The following BBS2 variants were observed in gnomAD, a reference collection of about 807,000 sequenced individuals.
The protein encoded by BBS2 is Bardet-Biedl syndrome 2.
In BBS2, 62 loss-of-function variants were observed where a neutral mutation model predicts 83.0. That is an observed-to-expected ratio of 0.75 (90% CI 0.61 to 0.92). The LOEUF (loss-of-function observed/expected upper bound fraction) is 0.92, where lower values mean the gene tolerates loss of function less well. BBS2 is among the 40% of genes least tolerant of loss of function. BBS2 has a pLI of 0.00. For missense variants in BBS2, 784 were observed against 901.0 expected, an observed-to-expected ratio of 0.87 and a Z score of 1.66; for synonymous variants, 303 against 326.1, an observed-to-expected ratio of 0.93 and a Z score of 0.76.
chr16:56,506,293 A>AT, intron 5 of BBS2, 69 bp from the exon 6 acceptor site: 1 of 1,172,604 alleles, frequency 8.5e-7, no homozygotes, highest in Non-Finnish European at 1.3e-6. Context: ...GTACGGCTTT[A>AT]TAAGACTTCA....
At chr16:56,478,130 C>T (rs1196526804) in intron 17 of BBS2, 2 of 152,046 alleles carry the variant, frequency 1.3e-5, no homozygotes, top group African/African-American at 4.8e-5. Flanking sequence ...TGGTAACGAA[C>T]CATTTTACAC....
At chr16:56,473,323 A>C (rs1381757633) in intron 17 of BBS2, among the ~76,000 whole-genome samples, 3 of 152,202 alleles carry the variant, frequency 2.0e-5, no homozygotes, top group Non-Finnish European at 4.4e-5. Context: ...TTTGAAAAAC[A>C]CCGTTCTCTA....
chr16:56,516,944 C>A (rs1327661239), intron 1 of BBS2, among the ~76,000 whole-genome samples: 3 of 152,118 alleles, frequency 2.0e-5, no homozygotes, highest in Non-Finnish European at 4.4e-5. Flanking sequence ...CAGAGCTGAA[C>A]ACAAAGTATC....
At position 56,498,424 on chromosome 16, in the gene BBS2, T is replaced by C; in HGVS notation, c.1659+13A>G. 6 of 1,613,862 alleles carry C rather than the reference T, an allele frequency of 3.7e-6. No individual in the cohort carries two copies. Among genetic ancestry groups the C allele is most frequent in the Non-Finnish European group, 5.1e-6 (6 of 1,179,886 alleles). On this transcript the variant is annotated intron_variant, in intron 13 of 16. Transcript: ENST00000245157. ...CAAAAAAGAAATCTATGCCCCGTGA[T>C]ATTAAACATTACCTCTCCACTAAGT...
chr16:56,470,620 G>A (rs1963121534), exon 18 of BBS2: 1 of 1,613,540 alleles, frequency 6.2e-7, no homozygotes, highest in Admixed American at 1.7e-5. Context: ...GGCCCCTTCG[G>A]AAGAAGATGA....
At chr16:56,510,276 A>G (rs1186443636) in intron 4 of BBS2, among the ~76,000 whole-genome samples, 3 of 152,158 alleles carry the variant, frequency 2.0e-5, no homozygotes, top group African/African-American at 7.2e-5. Flanking sequence ...TCTTGCCAGA[A>G]TACGTTATTT....
At chr16:56,505,034 T>G (rs1234932316) in intron 7 of BBS2, among the ~76,000 whole-genome samples, 1 of 152,220 alleles carries the variant, frequency 6.6e-6, no homozygotes, top group Non-Finnish European at 1.5e-5. Flanking sequence ...TGCCAACACC[T>G]TGATGGGGGC....
At chr16:56,510,180 G>T in intron 4 of BBS2, 146 bp from the exon 5 acceptor site, 1 of 711,538 alleles carries the variant, frequency 1.4e-6, no homozygotes, top group Non-Finnish European at 2.5e-6. Context: ...GCTCAGAAAT[G>T]CTCCCTCTAA....
intron 17 of BBS2, chr16:56,474,856 A>G: frequency 6.2e-7 from 1 of 1,613,280 alleles, no homozygotes. Flanking sequence ...GCCAAGGGGA[A>G]CTGAGGCATT....
intron 12 of BBS2, 182 bp from the exon 13 acceptor site, chr16:56,498,750 C>G: frequency 1.3e-6 from 2 of 1,484,750 alleles, no homozygotes; most frequent in South Asian, 2.5e-5. Flanking sequence ...CAAGAAAATA[C>G]TAAAACACTA....
At chr16:56,506,940 ACTTT>A (rs1156827330) in intron 5 of BBS2, among the ~76,000 whole-genome samples, 1 of 152,256 alleles carries the variant, frequency 6.6e-6, no homozygotes, top group Non-Finnish European at 1.5e-5. Flanking sequence ...CTGCAGATCT[ACTTT>A]CTAATTCTGT....
intron 15 of BBS2, among the ~76,000 whole-genome samples, chr16:56,489,257 C>G (rs1963871148): frequency 6.6e-6 from 1 of 152,102 alleles, no homozygotes; most frequent in African/African-American, 2.4e-5. Context: ...AGGAGGATCC[C>G]TTGTACCTGG....
intron 6 of BBS2, 28 bp from the exon 7 acceptor site, chr16:56,506,064 A>G (rs748116553): frequency 1.9e-6 from 3 of 1,611,512 alleles, no homozygotes; most frequent in Non-Finnish European, 1.7e-6. Context: ...TAATTAGCAC[A>G]GAAGTCTCAC....
At chr16:56,513,225 T>C (rs535492692) in intron 2 of BBS2, among the ~76,000 whole-genome samples, 3 of 152,234 alleles carry the variant, frequency 2.0e-5, no homozygotes, top group Admixed American at 2.0e-4. Context: ...ATCAGGGAAG[T>C]GGTCAAAGAG....
intron 11 of BBS2, 143 bp from the exon 12 acceptor site, chr16:56,500,050 A>G: frequency 1.1e-6 from 1 of 919,188 alleles, no homozygotes; most frequent in African/African-American, 1.6e-5. Context: ...AAAACACTTG[A>G]GGGTTAAAGT....
chr16:56,480,880 C>T (rs376460112), downstream of BBS2, among the ~76,000 whole-genome samples: 2 of 152,124 alleles, frequency 1.3e-5, no homozygotes, highest in Non-Finnish European at 2.9e-5. Flanking sequence ...AATTTAAAAA[C>T]GACTTGGGAA....
At chr16:56,471,017 A>G (rs113007383) in intron 17 of BBS2, among the ~76,000 whole-genome samples, 4 of 152,254 alleles carry the variant, frequency 2.6e-5, no homozygotes, top group African/African-American at 9.6e-5. Context: ...AAGTAATGAT[A>G]AGTGCTATGC....
chr16:56,476,016 G>A, intron 17 of BBS2: 1 of 1,590,154 alleles, frequency 6.3e-7, no homozygotes, highest in East Asian at 2.2e-5. Context: ...TCTGTGTTCT[G>A]ATGTGTCACT....
At chr16:56,502,093 G>A in intron 9 of BBS2, 2 of 634,872 alleles carry the variant, frequency 3.2e-6, no homozygotes, top group South Asian at 3.5e-5. Context: ...TAAATAAATA[G>A]TGCTGCAGGA....
Sources: allele counts gnomAD v4.1 joint callset (sites outside exome capture counted in the v4.1 genomes callset), GRCh38; gene constraint gnomAD v4.1.1; transcripts MANE v1.5; gene names NCBI Gene and HGNC (gene_info 2026-07-23, HGNC 2026-07-21).